The following B3GALT1 variants were observed in gnomAD, a reference collection of about 807,000 sequenced individuals.
B3GALT1 encodes UDP-Gal:betaGlcNAc beta 1,3-galactosyltransferase, polypeptide 1.
B3GALT1 carries 10 observed loss-of-function variants against 23.2 expected under a neutral mutation model. That is an observed-to-expected ratio of 0.43 (90% confidence interval 0.27 to 0.73). The LOEUF (loss-of-function observed/expected upper bound fraction) is 0.73, where lower values mean the gene tolerates loss of function less well. Ranked by LOEUF, B3GALT1 falls within the 30% of genes least tolerant of loss-of-function variation. The pLI is 0.21. For missense variants in B3GALT1, 299 were observed against 405.4 expected, an observed-to-expected ratio of 0.74 and a Z score of 2.25; for synonymous variants, 156 against 141.5, an observed-to-expected ratio of 1.10 and a Z score of -0.73.
chr2:167,374,218 G>T (rs989096729), intron 1 of B3GALT1, among the ~76,000 whole-genome samples: 7 of 152,192 alleles, frequency 4.6e-5, no homozygotes, highest in Non-Finnish European at 8.8e-5. Flanking sequence ...TGACTGCATA[G>T]TATTCCATGA....
intron 4 of B3GALT1, among the ~76,000 whole-genome samples, chr2:167,847,491 G>T (rs968614978): frequency 3.9e-5 from 6 of 152,196 alleles, no homozygotes; most frequent in Non-Finnish European, 7.3e-5. Context: ...AATGAGCACT[G>T]AGTCAAAAAT....
intron 1 of B3GALT1, 34 bp from the exon 2 acceptor site, chr2:167,490,143 C>T (rs1699686785): frequency 6.6e-6 from 1 of 152,168 alleles, no homozygotes; most frequent in African/African-American, 2.4e-5. Flanking sequence ...TGAAGTGCCT[C>T]CAAAGTTACT....
At chr2:167,581,548 T>A (rs1323970871) in intron 2 of B3GALT1, among the ~76,000 whole-genome samples, 1 of 152,208 alleles carries the variant, frequency 6.6e-6, no homozygotes, top group African/African-American at 2.4e-5. Flanking sequence ...AACGGATATA[T>A]CTGGACATCA....
At chr2:167,845,124 C>G (rs188704994) in intron 4 of B3GALT1, among the ~76,000 whole-genome samples, 1 of 152,214 alleles carries the variant, frequency 6.6e-6, no homozygotes, top group South Asian at 2.1e-4. Context: ...AGACACGCCT[C>G]CCACTGCCCC....
At chr2:167,602,929 G>A (rs750321870) in intron 2 of B3GALT1, among the ~76,000 whole-genome samples, 4 of 152,104 alleles carry the variant, frequency 2.6e-5, no homozygotes, top group South Asian at 2.1e-4. Flanking sequence ...TATTTCTTTA[G>A]TGAGAATTAT....
Position 167,793,879 on chromosome 2 carries a change from C to T in B3GALT1, c.-351-24793C>T, listed in dbSNP as rs74439256. ...AATTCCCTGAGCACATTTCCTCTTT[C>T]AAAGACTCTCCCTTCATGCCCTCCG... On this transcript the variant is annotated intron_variant, in intron 3 of 4. Transcript: ENST00000392690. 3.4e-3 allele frequency among the ~76,000 whole-genome samples: 513 copies of T among 152,324 alleles called. 1 individual carries two copies. The highest frequency in any genetic ancestry group is 0.017 in the Middle Eastern group (5 of 294).
intron 2 of B3GALT1, among the ~76,000 whole-genome samples, chr2:167,514,377 G>A (rs1482013230): frequency 1.3e-5 from 2 of 152,122 alleles, no homozygotes; most frequent in Non-Finnish European, 2.9e-5. Flanking sequence ...TGAATAAAAT[G>A]ACATTAATTT....
intron 3 of B3GALT1, among the ~76,000 whole-genome samples, chr2:167,762,953 G>A (rs548214792): frequency 1.3e-5 from 2 of 152,296 alleles, no homozygotes; most frequent in African/African-American, 2.4e-5. Context: ...TTCTGAAACA[G>A]TTACCATTAT....
At chr2:167,627,945 C>T (rs1392730289) in intron 2 of B3GALT1, among the ~76,000 whole-genome samples, 1 of 151,620 alleles carries the variant, frequency 6.6e-6, no homozygotes, top group African/African-American at 2.4e-5. Flanking sequence ...CATTCCTCTG[C>T]TGACTGATAA....
chr2:167,695,111 A>T (rs1228935705), intron 3 of B3GALT1, among the ~76,000 whole-genome samples: 1 of 152,112 alleles, frequency 6.6e-6, no homozygotes, highest in Non-Finnish European at 1.5e-5. Context: ...CAAATTAAGC[A>T]TCAGTTCTTT....
At chr2:167,749,325 C>T (rs2105284545) in intron 3 of B3GALT1, among the ~76,000 whole-genome samples, 1 of 152,308 alleles carries the variant, frequency 6.6e-6, no homozygotes, top group South Asian at 2.1e-4. Context: ...TGTGTCCGAT[C>T]TTCCTGCCCA....
At chr2:167,390,390 C>G (rs73021747) in intron 1 of B3GALT1, among the ~76,000 whole-genome samples, 2,657 of 152,284 alleles carry the variant, frequency 0.017, 84 homozygotes, top group African/African-American at 0.061. Flanking sequence ...CCTAACCTCC[C>G]CATTGCCAAT....
At chr2:167,570,755 AC>A (rs934939017) in intron 2 of B3GALT1, among the ~76,000 whole-genome samples, 1 of 151,602 alleles carries the variant, frequency 6.6e-6, no homozygotes, top group Non-Finnish European at 1.5e-5. Context: ...TTGTTTTACC[AC>A]CCCCCAATTT....
intron 2 of B3GALT1, among the ~76,000 whole-genome samples, chr2:167,579,420 G>GTTTTT (rs745735602): frequency 1.1e-5 from 1 of 93,060 alleles, no homozygotes; most frequent in Non-Finnish European, 2.1e-5. Flanking sequence ...TTTTGGTTTT[G>GTTTTT]TTTTTTTTTG....
chr2:167,674,631 C>G (rs1686391131), intron 3 of B3GALT1, among the ~76,000 whole-genome samples: 1 of 152,154 alleles, frequency 6.6e-6, no homozygotes, highest in East Asian at 1.9e-4. Flanking sequence ...CTATTACATC[C>G]TGTTTTGGAC....
intron 3 of B3GALT1, among the ~76,000 whole-genome samples, chr2:167,704,273 G>T (rs912341134): frequency 1.3e-5 from 2 of 151,270 alleles, no homozygotes; most frequent in African/African-American, 4.9e-5. Flanking sequence ...GTGACAGGCT[G>T]TCAAAATATT....
At chr2:167,700,315 T>C (rs1424161106) in intron 3 of B3GALT1, among the ~76,000 whole-genome samples, 1 of 152,170 alleles carries the variant, frequency 6.6e-6, no homozygotes, top group African/African-American at 2.4e-5. Context: ...AGTTTAGCAA[T>C]CTATATGGGA....
intron 3 of B3GALT1, among the ~76,000 whole-genome samples, chr2:167,777,227 A>G (rs1021181803): frequency 4.6e-5 from 7 of 152,246 alleles, no homozygotes; most frequent in Non-Finnish European, 1.0e-4. Context: ...ATGAATAACC[A>G]TATATTTAAT....
chr2:167,457,621 G>C (rs1261844964), intron 1 of B3GALT1, among the ~76,000 whole-genome samples: 1 of 151,996 alleles, frequency 6.6e-6, no homozygotes. Flanking sequence ...GTCTTTATAT[G>C]TTTTTGGGCT....
Sources: allele counts gnomAD v4.1 joint callset (sites outside exome capture counted in the v4.1 genomes callset), GRCh38; gene constraint gnomAD v4.1.1; transcripts MANE v1.5; gene names NCBI Gene and HGNC (gene_info 2026-07-23, HGNC 2026-07-21).